Variants in CDH18 observed in about 807,000 individuals in gnomAD.
The protein encoded by CDH18 is cadherin 18.
CDH18 carries 31 observed loss-of-function variants against 67.9 expected under a neutral mutation model. That is an observed-to-expected ratio of 0.46 (90% confidence interval 0.34 to 0.62). The LOEUF (loss-of-function observed/expected upper bound fraction) is 0.62. Ranked by LOEUF, CDH18 falls within the 20% of genes least tolerant of loss-of-function variation. CDH18 has a pLI of 0.01. For missense variants in CDH18, 890 were observed against 975.5 expected (o/e 0.91, Z 1.17); for synonymous variants, 362 against 347.2 (o/e 1.04, Z -0.48).
At chr5:19,638,359 T>A (rs1753467207) in intron 5 of CDH18, among the ~76,000 whole-genome samples, 2 of 152,334 alleles carry the variant, frequency 1.3e-5, no homozygotes, top group Middle Eastern at 3.4e-3. Context: ...CGTAAGTGCA[T>A]ACCATCTAAT....
intron 3 of CDH18, among the ~76,000 whole-genome samples, chr5:19,753,534 G>T (rs1771130338): frequency 6.6e-6 from 1 of 152,160 alleles, no homozygotes; most frequent in Admixed American, 6.5e-5. Context: ...TATATTAAAT[G>T]ACCAAACCTA....
chr5:19,718,088 G>A (rs1198728369), intron 5 of CDH18, among the ~76,000 whole-genome samples: 1 of 151,854 alleles, frequency 6.6e-6, no homozygotes, highest in Non-Finnish European at 1.5e-5. Flanking sequence ...TAACTCAACA[G>A]CCACACAATT....
chr5:20,230,579 C>T (rs997072844), intron 2 of CDH18, among the ~76,000 whole-genome samples: 10 of 151,922 alleles, frequency 6.6e-5, no homozygotes, highest in Admixed American at 2.6e-4. Flanking sequence ...TAGCTATTAC[C>T]GGTTTTTAAA....
intron 1 of CDH18, among the ~76,000 whole-genome samples, chr5:20,478,920 T>C (rs1752613588): frequency 6.6e-6 from 1 of 152,102 alleles, no homozygotes; most frequent in Non-Finnish European, 1.5e-5. Context: ...GAGATTCTGT[T>C]TGAGGGAAAG....
At chr5:19,505,006 T>A (rs7713920) in intron 10 of CDH18, among the ~76,000 whole-genome samples, 4,739 of 152,250 alleles carry the variant, frequency 0.031, 112 homozygotes, top group African/African-American at 0.071. Context: ...GAGCTTATTA[T>A]ACCTGTTAAA....
At chr5:19,545,379 A>G (rs973583574) in intron 8 of CDH18, among the ~76,000 whole-genome samples, 5 of 152,218 alleles carry the variant, frequency 3.3e-5, no homozygotes, top group African/African-American at 1.2e-4. Flanking sequence ...AGGTAGGACA[A>G]GGTATCTTTT....
At chr5:19,935,854 T>C (rs777747513) in intron 2 of CDH18, among the ~76,000 whole-genome samples, 2 of 149,844 alleles carry the variant, frequency 1.3e-5, no homozygotes, top group Non-Finnish European at 3.0e-5. Context: ...CAATGTCTTC[T>C]CAATGCTCAT....
chr5:20,063,300 T>G (rs1351052630), intron 2 of CDH18, among the ~76,000 whole-genome samples: 1 of 151,790 alleles, frequency 6.6e-6, no homozygotes, highest in African/African-American at 2.4e-5. Context: ...TATAAGCCAC[T>G]GTACTATACT....
chr5:19,891,578 T>C (rs906050912), intron 2 of CDH18, among the ~76,000 whole-genome samples: 2 of 152,104 alleles, frequency 1.3e-5, no homozygotes, highest in African/African-American at 4.8e-5. Context: ...TCCCACATTA[T>C]CTCCCTCAGG....
chr5:20,518,750 G>A (rs906988980), intron 1 of CDH18, among the ~76,000 whole-genome samples: 3 of 152,126 alleles, frequency 2.0e-5, no homozygotes, highest in Admixed American at 6.6e-5. Flanking sequence ...TTTATCCGTC[G>A]TATTCAGAAG....
chr5:19,799,553 A>G (rs1046111073), intron 3 of CDH18, among the ~76,000 whole-genome samples: 5 of 152,004 alleles, frequency 3.3e-5, no homozygotes, highest in South Asian at 4.1e-4. Flanking sequence ...TGTCATGGGT[A>G]TAAACATGTG....
At chr5:20,440,618 G>C (rs2150189825) in intron 1 of CDH18, among the ~76,000 whole-genome samples, 1 of 152,100 alleles carries the variant, frequency 6.6e-6, no homozygotes, top group Non-Finnish European at 1.5e-5. Flanking sequence ...CAACAGGCAA[G>C]CTCAAACTTT....
At chr5:20,368,288 A>G (rs1742686154) in intron 1 of CDH18, among the ~76,000 whole-genome samples, 1 of 152,218 alleles carries the variant, frequency 6.6e-6, no homozygotes, top group South Asian at 2.1e-4. Flanking sequence ...TTTTTTAATT[A>G]GATGAAGACT....
At chr5:20,491,884 A>C (rs183509747) in intron 1 of CDH18, among the ~76,000 whole-genome samples, 6 of 152,174 alleles carry the variant, frequency 3.9e-5, no homozygotes, top group Admixed American at 6.5e-5. Flanking sequence ...GTAACAATTA[A>C]ATTATGGGCC....
chr5:20,352,659 G>C (rs1043457446), intron 1 of CDH18, among the ~76,000 whole-genome samples: 3 of 151,396 alleles, frequency 2.0e-5, no homozygotes, highest in African/African-American at 7.3e-5. Flanking sequence ...GCCAGGCCTG[G>C]TGGCTGGCGC....
intron 12 of CDH18, among the ~76,000 whole-genome samples, chr5:19,481,261 T>G (rs921955676): frequency 1.5e-4 from 23 of 152,160 alleles, no homozygotes; most frequent in African/African-American, 4.1e-4. Context: ...TGAAGTGGAC[T>G]TCCAGTGTCC....
At chr5:20,506,119 T>C (rs1754642800) in intron 1 of CDH18, among the ~76,000 whole-genome samples, 1 of 152,220 alleles carries the variant, frequency 6.6e-6, no homozygotes, top group Admixed American at 6.5e-5. Context: ...TCACTAAATG[T>C]AAGAGATTGT....
chr5:19,483,644 C>G, intron 11 of CDH18, 92 bp from the exon 12 acceptor site: 4 of 1,325,774 alleles, frequency 3.0e-6, no homozygotes, highest in Non-Finnish European at 4.1e-6. Flanking sequence ...GGATGTGTAT[C>G]TTTCTTGTTT....
At chr5:20,553,316 A>G (rs12517650) in intron 1 of CDH18, among the ~76,000 whole-genome samples, 31,224 of 151,944 alleles carry the variant, frequency 0.21, 3,481 homozygotes, top group East Asian at 0.4. Context: ...TCTTAACATC[A>G]TAATTGTTGG....
Sources: allele counts gnomAD v4.1 joint callset (sites outside exome capture counted in the v4.1 genomes callset), GRCh38; gene constraint gnomAD v4.1.1; transcripts MANE v1.5; gene names NCBI Gene and HGNC (gene_info 2026-07-23, HGNC 2026-07-21).